The following SMYD3 variants were observed in gnomAD, a reference collection of about 807,000 sequenced individuals.
SMYD3 encodes SET and MYND domain containing 3.
In SMYD3, 36 loss-of-function variants were observed where a neutral mutation model predicts 57.7. The ratio of observed to expected loss-of-function variants is 0.62; its 90% confidence interval spans 0.48 to 0.82. The LOEUF (loss-of-function observed/expected upper bound fraction) is 0.82, where lower values mean the gene tolerates loss of function less well. Ranked by LOEUF, SMYD3 falls within the 40% of genes least tolerant of loss-of-function variation. The probability of loss-of-function intolerance (pLI) is 0.00; values close to 1 mark genes in which losing one functional copy is unlikely to be tolerated. For synonymous variants in SMYD3, 211 were observed against 195.0 expected, an observed-to-expected ratio of 1.08 and a Z score of -0.68; for missense variants, 515 against 538.8, an observed-to-expected ratio of 0.96 and a Z score of 0.44.
intron 5 of SMYD3, among the ~76,000 whole-genome samples, chr1:246,114,381 A>G (rs975353115): frequency 1.3e-5 from 2 of 152,214 alleles, no homozygotes; most frequent in Non-Finnish European, 2.9e-5. Flanking sequence ...AGTTAGCACC[A>G]ACAAGGAAGA....
intron 1 of SMYD3, among the ~76,000 whole-genome samples, chr1:246,428,384 A>C (rs1235704028): frequency 6.6e-6 from 1 of 152,228 alleles, no homozygotes. Flanking sequence ...GATTTGCATT[A>C]AAAAGAAAAG....
At chr1:246,491,365 C>CAGA (rs2068267113) in intron 1 of SMYD3, among the ~76,000 whole-genome samples, 1 of 152,142 alleles carries the variant, frequency 6.6e-6, no homozygotes, top group Non-Finnish European at 1.5e-5. Flanking sequence ...TGGCAAAACT[C>CAGA]CGTCTGTACT....
At chr1:245,834,012 C>T (rs2049983051) in intron 10 of SMYD3, among the ~76,000 whole-genome samples, 1 of 152,194 alleles carries the variant, frequency 6.6e-6, no homozygotes, top group South Asian at 2.1e-4. Context: ...TCTGGGACAT[C>T]CTGCAGTAAC....
chr1:246,071,757 C>T (rs953520438), intron 5 of SMYD3, among the ~76,000 whole-genome samples: 3 of 151,882 alleles, frequency 2.0e-5, no homozygotes, highest in African/African-American at 7.3e-5. Context: ...GAGTGCTTTC[C>T]GCTGTGCTCA....
chr1:246,193,406 T>C (rs756442048), intron 5 of SMYD3, among the ~76,000 whole-genome samples: 25 of 152,238 alleles, frequency 1.6e-4, no homozygotes, highest in Non-Finnish European at 3.1e-4. Flanking sequence ...ACTGTACTGA[T>C]GAATGTATTC....
chr1:246,497,965 T>G (rs186980185), intron 1 of SMYD3, among the ~76,000 whole-genome samples: 3 of 151,760 alleles, frequency 2.0e-5, no homozygotes, highest in African/African-American at 2.4e-5. Flanking sequence ...TTTAAACACA[T>G]GAAAAGATGT....
chr1:246,102,733 C>A lies in SMYD3; in HGVS notation c.532-172796G>T, dbSNP rs2061037357. Among the ~76,000 whole-genome samples the A allele has an allele frequency of 2.0e-5, 3 of 149,822 alleles. No individual in the cohort carries two copies. The South Asian group carries it at 6.5e-4, about 32-fold the overall frequency. ...GACTGGCCTGGCCAACAAAGTGAGA[C>A]CTTGGCTCTCAAAAAAAAAAAAAAT... On this transcript the variant is annotated intron_variant, in intron 5 of 11. Coordinates refer to ENST00000490107, the MANE Select transcript of SMYD3 (RefSeq NM_001167740.2).
At chr1:246,216,866 T>C (rs979546766) in intron 5 of SMYD3, among the ~76,000 whole-genome samples, 1 of 152,130 alleles carries the variant, frequency 6.6e-6, no homozygotes, top group East Asian at 1.9e-4. Context: ...ACTTTCCCCT[T>C]GACGGAGACG....
At chr1:246,430,703 G>GT (rs1231433831) in intron 1 of SMYD3, among the ~76,000 whole-genome samples, 1 of 152,102 alleles carries the variant, frequency 6.6e-6, no homozygotes, top group South Asian at 2.1e-4. Flanking sequence ...TAAGCTAAGA[G>GT]TTTTTATCTG....
rs201657372 is a variant in SMYD3, at chr1:246,232,562, C to T, written c.531+94639G>A. Among the ~76,000 whole-genome samples, 896 of 141,968 alleles carry T rather than the reference C, an allele frequency of 6.3e-3. 10 individuals carry two copies. Among genetic ancestry groups the T allele is most frequent in the African/African-American group, 0.021 (807 of 39,074 alleles). The allele number at this position is 141,968 out of a possible 152,430, so 93.1% of individuals were successfully genotyped here. ...GAACATATACCACACAGAGGAGAAG[C>T]GCTCCTCAATTCACACTGTGATGAA... On this transcript the variant is annotated intron_variant, in intron 5 of 11. Coordinates refer to ENST00000490107, the MANE Select transcript of SMYD3 (RefSeq NM_001167740.2).
At chr1:245,864,300 C>T (rs975004018) in intron 8 of SMYD3, among the ~76,000 whole-genome samples, 1 of 152,182 alleles carries the variant, frequency 6.6e-6, no homozygotes, top group African/African-American at 2.4e-5. Context: ...TCAACAAAAA[C>T]TTGTTCACAA....
chr1:246,331,726 T>C lies in SMYD3; in HGVS notation c.337-1189A>G, dbSNP rs570919517. Among the ~76,000 whole-genome samples the C allele has an allele frequency of 6.6e-5, 10 of 152,370 alleles. 1 individual carries two copies. Among genetic ancestry groups the C allele is most frequent in the South Asian group, 4.1e-4 (2 of 4,832 alleles). ...GCAGACATTGCACTGAAGATTTACATCATCGAACAAGTCTGTCCATACCAT... is the reference window on the plus strand; with the variant it reads ...GCAGACATTGCACTGAAGATTTACACCATCGAACAAGTCTGTCCATACCAT... On this transcript the variant is annotated intron_variant, in intron 3 of 11. Transcript: ENST00000490107.
rs2058998623 is a variant in SMYD3, at chr1:245,999,570, T to C, written c.532-69633A>G. On this transcript the variant is annotated intron_variant, in intron 5 of 11. Coordinates refer to ENST00000490107, the MANE Select transcript of SMYD3 (RefSeq NM_001167740.2). ...TTTAAACAACTAAGCTGGTTGCCAG[T>C]ATAAAAGACCTAAGAGTGAGTCAAA... Among the ~76,000 whole-genome samples, 10 of 151,332 alleles carry C rather than the reference T, an allele frequency of 6.6e-5. No homozygotes were observed. In the South Asian group the frequency reaches 2.1e-3, roughly 32 times the overall value.
At chr1:246,472,157 A>AGT (rs1447592748) in intron 1 of SMYD3, among the ~76,000 whole-genome samples, 6 of 152,124 alleles carry the variant, frequency 3.9e-5, no homozygotes, top group Non-Finnish European at 8.8e-5. Flanking sequence ...CCTCAGAAAA[A>AGT]CACACACACC....
Position 245,751,542 on chromosome 1 carries a change from A to AAG in SMYD3, c.1186-1880_1186-1879dup, listed in dbSNP as rs1265115060. 2.9e-4 allele frequency among the ~76,000 whole-genome samples: 38 copies of AAG among 129,514 alleles called. 1 individual carries two copies. Among genetic ancestry groups the AAG allele is most frequent in the African/African-American group, 7.2e-4 (23 of 31,748 alleles). 85.0% of individuals were successfully genotyped at this position (129,514 alleles called of 152,430 possible). On this transcript the variant is annotated intron_variant, in intron 11 of 11. Transcript: ENST00000490107. ...GCTGAGAGAGAGAGAAAGAGAGAGAAAGAGAGAGAGAGACAGAGAGACAGA... is the reference window on the plus strand; with the variant it reads ...GCTGAGAGAGAGAGAAAGAGAGAGAAAGAGAGAGAGAGAGACAGAGAGACAGA...
At chr1:246,145,085 A>C (rs2061822721) in intron 5 of SMYD3, among the ~76,000 whole-genome samples, 1 of 152,102 alleles carries the variant, frequency 6.6e-6, no homozygotes, top group South Asian at 2.1e-4. Context: ...CTATTCACAC[A>C]CTCAATCATA....
intron 8 of SMYD3, among the ~76,000 whole-genome samples, chr1:245,883,319 G>A (rs962109717): frequency 3.3e-5 from 5 of 152,108 alleles, no homozygotes; most frequent in African/African-American, 7.2e-5. Flanking sequence ...GCACAAAGAC[G>A]GAAGACATAC....
chr1:246,123,284 T>C (rs1395583015), intron 5 of SMYD3, among the ~76,000 whole-genome samples: 1 of 152,088 alleles, frequency 6.6e-6, no homozygotes, highest in Non-Finnish European at 1.5e-5. Context: ...TCATTCTGCA[T>C]TGGCCCTGCA....
chr1:245,897,776 T>C (rs1004412517), intron 8 of SMYD3, among the ~76,000 whole-genome samples: 4 of 151,902 alleles, frequency 2.6e-5, no homozygotes, highest in African/African-American at 9.7e-5. Context: ...GCGCGGCGCC[T>C]GTAATCCCAG....
Sources: gnomAD v4.1 joint callset for allele counts (sites outside exome capture counted in the v4.1 genomes callset) on GRCh38, gnomAD v4.1.1 for gene constraint, MANE v1.5 for transcripts, NCBI Gene and HGNC (gene_info 2026-07-23, HGNC 2026-07-21) for gene names.